The following POLA1 variants were observed in gnomAD, a reference collection of about 807,000 sequenced individuals.
POLA1 encodes DNA polymerase alpha catalytic subunit.
A neutral mutation model predicts 124.0 loss-of-function variants in POLA1; 15 were observed. The observed-to-expected ratio is 0.12, with a 90% CI of 0.08 to 0.19. The LOEUF (loss-of-function observed/expected upper bound fraction) is 0.19. POLA1 is among the 10% of genes least tolerant of loss of function. The probability of loss-of-function intolerance (pLI) is 1.00; values close to 1 mark genes in which losing one functional copy is unlikely to be tolerated. For missense variants in POLA1, 886 were observed against 1,103.4 expected (o/e 0.80, Z 2.79); for synonymous variants, 408 against 389.4 (o/e 1.05, Z -0.56).
intron 9 of POLA1, 30 bp from the exon 10 acceptor site, chrX:24,717,550 G>T: frequency 8.3e-7 from 1 of 1,204,895 alleles, no homozygotes; most frequent in Non-Finnish European, 1.1e-6. Flanking sequence ...GTTGGATTTT[G>T]AAAGGTTTTT....
chrX:24,889,638 A>G (rs1012946561), intron 35 of POLA1, among the ~76,000 whole-genome samples: 4 of 112,311 alleles, frequency 3.6e-5, no homozygotes, highest in Non-Finnish European at 5.6e-5. Context: ...TTTGACTTCA[A>G]ATTTTCCTGC....
chrX:24,909,627 T>C (rs200347375), intron 35 of POLA1, among the ~76,000 whole-genome samples: 1 of 111,371 alleles, frequency 9.0e-6, no homozygotes, highest in Admixed American at 9.5e-5. Flanking sequence ...CATGCTGTTT[T>C]GGTTACTGTA....
chrX:24,952,502 G>C (rs1411639657), intron 36 of POLA1, among the ~76,000 whole-genome samples: 1 of 111,529 alleles, frequency 9.0e-6, no homozygotes, highest in African/African-American at 3.3e-5. Context: ...AAATAAGCCA[G>C]CATAGTTCCT....
chrX:24,737,364 T>A (rs1313823709), intron 18 of POLA1, among the ~76,000 whole-genome samples: 1 of 111,584 alleles, frequency 9.0e-6, no homozygotes, highest in Non-Finnish European at 1.9e-5. Flanking sequence ...TTAAAAGATA[T>A]CATATGAGCC....
chrX:24,862,086 A>G (rs2147099123), intron 34 of POLA1, among the ~76,000 whole-genome samples: 1 of 111,733 alleles, frequency 8.9e-6, no homozygotes, highest in East Asian at 2.8e-4. Context: ...AGCTGTGTAA[A>G]AGAAATACTG....
At chrX:24,846,323 C>G (rs1003787410) in intron 34 of POLA1, among the ~76,000 whole-genome samples, 1 of 111,283 alleles carries the variant, frequency 9.0e-6, no homozygotes, top group Non-Finnish European at 1.9e-5. Flanking sequence ...CATAGAAATA[C>G]AGAAAGCACT....
chrX:24,700,757 C>T (rs1208289945), intron 2 of POLA1, among the ~76,000 whole-genome samples: 1 of 111,885 alleles, frequency 8.9e-6, no homozygotes, highest in Non-Finnish European at 1.9e-5. Flanking sequence ...GGTCCACCCG[C>T]CTCGGCCTCC....
At chrX:24,868,311 C>G (rs1378249680) in intron 34 of POLA1, among the ~76,000 whole-genome samples, 1 of 112,029 alleles carries the variant, frequency 8.9e-6, no homozygotes, top group Non-Finnish European at 1.9e-5. Context: ...TATTTTCATT[C>G]TTTGGCCAGC....
At chrX:24,886,955 T>C (rs1311440022) in intron 34 of POLA1, among the ~76,000 whole-genome samples, 1 of 111,652 alleles carries the variant, frequency 9.0e-6, no homozygotes, top group African/African-American at 3.3e-5. Context: ...GATCTACAGA[T>C]AGTCAGGTCC....
intron 26 of POLA1, among the ~76,000 whole-genome samples, chrX:24,762,410 C>T (rs1932812959): frequency 8.9e-6 from 1 of 112,414 alleles, no homozygotes; most frequent in Admixed American, 9.4e-5. Context: ...ACATGAATTT[C>T]TGAGTCTTGA....
rs760490187 is a variant in POLA1 at position 24,834,042 on chromosome X, G to A, written c.3736+7441G>A. Among the ~76,000 whole-genome samples the A allele has an allele frequency of 7.4e-4, 80 of 108,049 alleles. 2 individuals are homozygous for A. The Admixed American group carries it at 7.7e-3, about 10-fold the overall frequency. 93.8% of individuals were successfully genotyped at this position (108,049 alleles called of 115,157 possible). A position where few individuals can be genotyped will look rare whatever the true frequency, so the allele number is the denominator to read the frequency against. On this transcript the variant is annotated intron_variant, in intron 32 of 36. Coordinates refer to ENST00000379068, the MANE Select transcript of POLA1 (RefSeq NM_001330360.2). ...CGAGGCTGCAGTGAGCTAGGTCAAG[G>A]CTGCAGTGAGCTGTGATCGTTCCAT... is the stretch of plus-strand genomic sequence containing the variant.
In POLA1 at chrX:24,821,438, G is replaced by A. The variant is rs1222705325; in HGVS notation, c.3430-14G>A. 1 of 1,189,734 alleles carries A rather than the reference G, an allele frequency of 8.4e-7. No individual in the cohort carries two copies. The highest frequency in any genetic ancestry group is 1.8e-5 in the African/African-American group (1 of 56,648). ...TTATTTTAAGGCTTAGAACTTTTTTGTTCCCTCTTTTAGGCATTGACAAAG... is the reference window on the plus strand; with the variant it reads ...TTATTTTAAGGCTTAGAACTTTTTTATTCCCTCTTTTAGGCATTGACAAAG... On this transcript the variant is annotated splice_polypyrimidine_tract_variant and intron_variant, in intron 30 of 36. Coordinates refer to ENST00000379068, the MANE Select transcript of POLA1 (RefSeq NM_001330360.2).
intron 36 of POLA1, among the ~76,000 whole-genome samples, chrX:24,970,526 A>G (rs2048289736): frequency 8.9e-6 from 1 of 111,840 alleles, no homozygotes; most frequent in Non-Finnish European, 1.9e-5. Context: ...GACAATCTAC[A>G]GAATGGGAGA....
chrX:24,790,914 T>C (rs1008425881), intron 26 of POLA1, among the ~76,000 whole-genome samples: 2 of 61,506 alleles, frequency 3.3e-5, no homozygotes, highest in Non-Finnish European at 6.4e-5. Context: ...TGTATATGTA[T>C]ATATATATAT....
chrX:24,714,523 G>A, intron 4 of POLA1, 31 bp from the exon 5 acceptor site: 1 of 897,226 alleles, frequency 1.1e-6, no homozygotes, highest in African/African-American at 2.0e-5. Flanking sequence ...TTTTGCTGAT[G>A]CATGTTTCTA....
At chrX:24,770,554 A>G (rs376751204) in intron 26 of POLA1, among the ~76,000 whole-genome samples, 1 of 111,565 alleles carries the variant, frequency 9.0e-6, no homozygotes. Context: ...TAGAGGTCTA[A>G]ACTCAGGAGG....
intron 30 of POLA1, among the ~76,000 whole-genome samples, chrX:24,816,439 C>T (rs1379654352): frequency 8.9e-6 from 1 of 111,961 alleles, no homozygotes; most frequent in Non-Finnish European, 1.9e-5. Context: ...CTATGGCATC[C>T]TTAATGTCAT....
intron 4 of POLA1, among the ~76,000 whole-genome samples, chrX:24,709,798 C>T (rs1381480585): frequency 1.6e-5 from 1 of 61,480 alleles, no homozygotes; most frequent in Non-Finnish European, 3.2e-5. Context: ...GATGGGCGGC[C>T]GGGCAGAGAC....
At chrX:24,838,007 C>A (rs1471958173) in intron 32 of POLA1, among the ~76,000 whole-genome samples, 1 of 111,779 alleles carries the variant, frequency 8.9e-6, no homozygotes, top group Non-Finnish European at 1.9e-5. Context: ...TTAAAAACTC[C>A]TTGGGAGTGG....
Sources: gnomAD v4.1 joint callset for allele counts (sites outside exome capture counted in the v4.1 genomes callset) on GRCh38, gnomAD v4.1.1 for gene constraint, MANE v1.5 for transcripts, NCBI Gene and HGNC (gene_info 2026-07-23, HGNC 2026-07-21) for gene names.